The following PARD3 variants were observed in gnomAD, a reference collection of about 807,000 sequenced individuals.
PARD3 encodes the protein par-3 family cell polarity regulator.
PARD3 carries 75 observed loss-of-function variants against 155.4 expected under a neutral mutation model. That is an observed-to-expected ratio of 0.48 (90% CI 0.40 to 0.58). PARD3 has a LOEUF of 0.58. Ranked by LOEUF, PARD3 falls within the 20% of genes least tolerant of loss-of-function variation. The pLI, the probability that PARD3 is intolerant of heterozygous loss-of-function variation, is 0.00. For synonymous variants in PARD3, 576 were observed against 610.5 expected, an observed-to-expected ratio of 0.94 and a Z score of 0.83; for missense variants, 1,642 against 1,721.7, an observed-to-expected ratio of 0.95 and a Z score of 0.82.
At chr10:34,630,057 C>T (rs1468728525) in intron 2 of PARD3, among the ~76,000 whole-genome samples, 1 of 152,026 alleles carries the variant, frequency 6.6e-6, no homozygotes, top group Non-Finnish European at 1.5e-5. Context: ...GCTGCCTAAA[C>T]TTAGGGCCTA....
chr10:34,182,405 T>C (rs1185992675), intron 22 of PARD3, among the ~76,000 whole-genome samples: 1 of 152,168 alleles, frequency 6.6e-6, no homozygotes, highest in African/African-American at 2.4e-5. Context: ...ACTTACACTT[T>C]AGTAGAGATG....
intron 5 of PARD3, among the ~76,000 whole-genome samples, chr10:34,422,531 G>A (rs1044594581): frequency 6.6e-6 from 1 of 151,764 alleles, no homozygotes; most frequent in African/African-American, 2.4e-5. Context: ...TTATATATCT[G>A]GTAAGAGATT....
chr10:34,595,299 TA>T (rs2089145849), intron 2 of PARD3, among the ~76,000 whole-genome samples: 1 of 152,214 alleles, frequency 6.6e-6, no homozygotes, highest in Admixed American at 6.5e-5. Context: ...GAACTGAAAC[TA>T]CAATAGAAAT....
intron 22 of PARD3, among the ~76,000 whole-genome samples, chr10:34,244,572 T>C (rs1464893708): frequency 6.6e-6 from 1 of 152,202 alleles, no homozygotes; most frequent in Non-Finnish European, 1.5e-5. Context: ...ATTATGGTTA[T>C]TTTTGAGGAA....
chr10:34,716,868 AG>A (rs2094529662), intron 1 of PARD3, among the ~76,000 whole-genome samples: 1 of 152,040 alleles, frequency 6.6e-6, no homozygotes. Flanking sequence ...CTGGGATTAC[AG>A]GTGTGAGCCA....
At chr10:34,652,090 A>G (rs920011738) in intron 2 of PARD3, among the ~76,000 whole-genome samples, 2 of 152,146 alleles carry the variant, frequency 1.3e-5, no homozygotes, top group South Asian at 2.1e-4. Flanking sequence ...CTGTTGTTAG[A>G]GACAGGGTCT....
At chr10:34,199,995 G>T (rs1034277660) in intron 22 of PARD3, among the ~76,000 whole-genome samples, 5 of 152,180 alleles carry the variant, frequency 3.3e-5, no homozygotes, top group Admixed American at 3.3e-4. Flanking sequence ...CATCTTGACA[G>T]CCATGAAACA....
chr10:34,356,919 T>G (rs80097920), intron 14 of PARD3, among the ~76,000 whole-genome samples: 4 of 152,188 alleles, frequency 2.6e-5, no homozygotes, highest in Non-Finnish European at 5.9e-5. Flanking sequence ...TCCTAAGAAA[T>G]AGTAATAACC....
intron 2 of PARD3, among the ~76,000 whole-genome samples, chr10:34,655,422 A>G (rs1458379897): frequency 6.6e-6 from 1 of 152,142 alleles, no homozygotes; most frequent in Non-Finnish European, 1.5e-5. Context: ...CTGATCATAC[A>G]TGACTGTGGG....
At chr10:34,579,426 G>A (rs569935146) in intron 2 of PARD3, among the ~76,000 whole-genome samples, 2 of 152,050 alleles carry the variant, frequency 1.3e-5, no homozygotes, top group African/African-American at 4.8e-5. Flanking sequence ...CCTCCCAGGT[G>A]CCCTAGATGA....
At chr10:34,619,240 G>A (rs1445002834) in intron 2 of PARD3, among the ~76,000 whole-genome samples, 3 of 151,834 alleles carry the variant, frequency 2.0e-5, no homozygotes, top group African/African-American at 7.3e-5. Flanking sequence ...TGGTAGAGAC[G>A]GGGTTTCACG....
intron 5 of PARD3, among the ~76,000 whole-genome samples, chr10:34,442,027 C>T (rs2076489470): frequency 6.6e-6 from 1 of 152,152 alleles, no homozygotes; most frequent in East Asian, 1.9e-4. Flanking sequence ...TTAGTTTCTA[C>T]ATTTGGTGTT....
At chr10:34,326,952 T>C (rs898419143) in intron 19 of PARD3, among the ~76,000 whole-genome samples, 1 of 152,218 alleles carries the variant, frequency 6.6e-6, no homozygotes, top group Admixed American at 6.5e-5. Context: ...ATAGGAGATA[T>C]TTAGTTTTGC....
At chr10:34,679,574 C>T (rs867079540) in intron 2 of PARD3, among the ~76,000 whole-genome samples, 1 of 152,138 alleles carries the variant, frequency 6.6e-6, no homozygotes. Flanking sequence ...TGCTCAAATA[C>T]ACATATTTTA....
intron 4 of PARD3, among the ~76,000 whole-genome samples, chr10:34,465,441 T>C (rs978251203): frequency 6.6e-6 from 1 of 152,102 alleles, no homozygotes; most frequent in Non-Finnish European, 1.5e-5. Flanking sequence ...GACAAAGACA[T>C]AACTAAGAAA....
intron 2 of PARD3, among the ~76,000 whole-genome samples, chr10:34,611,447 A>C (rs1013792781): frequency 6.6e-6 from 1 of 152,210 alleles, no homozygotes; most frequent in Non-Finnish European, 1.5e-5. Flanking sequence ...ATCAAAAGGA[A>C]CGCAGAGCAT....
rs192465567 is a variant in PARD3 at position 34,225,491 on chromosome 10, A to G, written c.3419+44166T>C. Among the ~76,000 whole-genome samples the G allele has an allele frequency of 8.6e-4, 131 of 152,158 alleles. No homozygotes were observed. In the East Asian group the frequency reaches 0.02, roughly 24 times the overall value. ...CTCCCAAGTAGCTAGGACTACAGGCACACGCCACCACACCCAGCTAATTTT... is the reference window on the plus strand; with the variant it reads ...CTCCCAAGTAGCTAGGACTACAGGCGCACGCCACCACACCCAGCTAATTTT... On this transcript the variant is annotated intron_variant, in intron 22 of 24. Transcript: ENST00000374788.
intron 22 of PARD3, among the ~76,000 whole-genome samples, chr10:34,198,811 C>A (rs547778960): frequency 1.2e-4 from 18 of 152,084 alleles, no homozygotes; most frequent in Non-Finnish European, 1.9e-4. Flanking sequence ...TCAGATTTAA[C>A]CCCAGGCCTC....
At chr10:34,802,020 T>C (rs2134340152) in intron 1 of PARD3, among the ~76,000 whole-genome samples, 1 of 152,356 alleles carries the variant, frequency 6.6e-6, no homozygotes. Flanking sequence ...GTATTTTTAA[T>C]GAAAAATGTG....
Sources: gnomAD v4.1 joint callset for allele counts (sites outside exome capture counted in the v4.1 genomes callset) on GRCh38, gnomAD v4.1.1 for gene constraint, MANE v1.5 for transcripts, NCBI Gene and HGNC (gene_info 2026-07-23, HGNC 2026-07-21) for gene names.